Variants in AUTS2 observed in about 807,000 individuals in gnomAD.
AUTS2 encodes the protein autism susceptibility gene 2 protein.
Under a neutral mutation model 112.4 loss-of-function variants are expected in AUTS2, and 17 were observed. The ratio of observed to expected loss-of-function variants is 0.15; its 90% CI spans 0.10 to 0.23. AUTS2 has a LOEUF of 0.23. Among genes scored for constraint, AUTS2 ranks in the 10% least tolerant of loss-of-function variants. The probability of loss-of-function intolerance (pLI) is 1.00; values close to 1 mark genes in which losing one functional copy is unlikely to be tolerated. For missense variants in AUTS2, 1,510 were observed against 1,701.6 expected (o/e 0.89, Z 1.98); for synonymous variants, 751 against 702.7 (o/e 1.07, Z -1.09).
intron 3 of AUTS2, among the ~76,000 whole-genome samples, chr7:70,126,287 G>A (rs929849499): frequency 2.0e-5 from 3 of 151,970 alleles, no homozygotes; most frequent in Non-Finnish European, 4.4e-5. Flanking sequence ...TGGACGTGGT[G>A]GAGCACAGGT....
intron 1 of AUTS2, among the ~76,000 whole-genome samples, chr7:69,812,065 A>G (rs1390441467): frequency 2.0e-5 from 3 of 152,210 alleles, no homozygotes; most frequent in Non-Finnish European, 2.9e-5. Flanking sequence ...CCAAGAAGCA[A>G]TAGTGGTTTT....
chr7:70,725,538 AT>A (rs1351515389), intron 6 of AUTS2, among the ~76,000 whole-genome samples: 1 of 152,184 alleles, frequency 6.6e-6, no homozygotes, highest in Non-Finnish European at 1.5e-5. Context: ...CTGCCTAAGG[AT>A]TTTCCATTTA....
At chr7:70,573,747 G>A (rs1308530227) in intron 5 of AUTS2, among the ~76,000 whole-genome samples, 1 of 151,680 alleles carries the variant, frequency 6.6e-6, no homozygotes, top group Non-Finnish European at 1.5e-5. Context: ...GATTAATATA[G>A]TAGGAAACTT....
intron 6 of AUTS2, among the ~76,000 whole-genome samples, chr7:70,757,257 A>G (rs1008672107): frequency 8.5e-5 from 13 of 152,118 alleles, no homozygotes; most frequent in African/African-American, 3.1e-4. Flanking sequence ...TCCTTTCTAA[A>G]CTTCATTTTC....
At chr7:70,408,173 C>T (rs1794623452) in intron 4 of AUTS2, among the ~76,000 whole-genome samples, 1 of 150,834 alleles carries the variant, frequency 6.6e-6, no homozygotes, top group African/African-American at 2.4e-5. Flanking sequence ...AGAGCGAGAC[C>T]CTGTGGAAAA....
At chr7:70,295,838 A>G (rs1244815568) in intron 4 of AUTS2, among the ~76,000 whole-genome samples, 1 of 152,192 alleles carries the variant, frequency 6.6e-6, no homozygotes, top group African/African-American at 2.4e-5. Flanking sequence ...TTGTGTGACC[A>G]AGAGAGTTCA....
In AUTS2 at chr7:69,599,810, G is replaced by A. The variant is rs768911898; in HGVS notation, c.157G>A (p.Gly53Ser). The A allele has an allele frequency of 2.5e-6, 4 of 1,603,182 alleles. No homozygotes were observed. Among genetic ancestry groups the A allele is most frequent in the African/African-American group, 2.7e-5 (2 of 74,138 alleles). The part of the protein sequence containing the change: ...TRALSLASSS[G>S]SDKEDNGKPP... ...GGCGCTCTCACTCGCCTCGTCGTCGGGCTCCGACAAGGAAGACAATGGGAA... is the reference window on the plus strand; with the variant it reads ...GGCGCTCTCACTCGCCTCGTCGTCGAGCTCCGACAAGGAAGACAATGGGAA... Residue 53 changes from glycine to serine, a missense_variant, in exon 1 of 19, where the codon GGC becomes AGC. Gly to Ser is a moderately conservative substitution (Grantham distance 56). Coordinates refer to ENST00000342771, the MANE Select transcript of AUTS2 (RefSeq NM_015570.4). This position sits in a 1 kb window ranked among gnomAD's most constrained non-coding sequence, Gnocchi z 7.0.
intron 9 of AUTS2, 136 bp from the exon 10 acceptor site, chr7:70,767,888 A>C (rs548441993): frequency 1.3e-6 from 1 of 785,256 alleles, no homozygotes; most frequent in Non-Finnish European, 2.1e-6. Flanking sequence ...AGGAGCTCAG[A>C]ATGGTTTCAT....
intron 1 of AUTS2, among the ~76,000 whole-genome samples, chr7:69,797,695 C>T (rs1789907419): frequency 1.3e-5 from 2 of 152,058 alleles, no homozygotes; most frequent in Admixed American, 1.3e-4. Flanking sequence ...ATTTAAGATG[C>T]TCTTAAATTT....
At chr7:70,384,228 A>T (rs1562927195) in intron 4 of AUTS2, among the ~76,000 whole-genome samples, 1 of 152,178 alleles carries the variant, frequency 6.6e-6, no homozygotes, top group Non-Finnish European at 1.5e-5. Context: ...TTAGCTGAGC[A>T]GTGCACCACT....
rs1459608188 is a variant in AUTS2, at chr7:70,698,686, GAAGA to G, written c.742+72_742+75del. 9.1e-6 allele frequency: 11 copies of G among 1,208,258 alleles called. No individual in the cohort carries two copies. In the Admixed American group the frequency reaches 1.8e-4, roughly 20 times the overall value. 74.8% of individuals were successfully genotyped at this position (1,208,258 alleles called of 1,614,324 possible). ...TGTTAGTTTCATTGTCATTGCCTAG[GAAGA>G]AAGAAGAGCTAGAGTGATCTTTCTC... On this transcript the variant is annotated intron_variant, in intron 6 of 18. Transcript: ENST00000342771.
At chr7:70,687,996 G>C (rs1213187762) in intron 5 of AUTS2, among the ~76,000 whole-genome samples, 5 of 152,202 alleles carry the variant, frequency 3.3e-5, no homozygotes, top group Non-Finnish European at 7.3e-5. Flanking sequence ...ACCTCGGCCT[G>C]CCTCCCAGTG....
chr7:70,089,527 G>A (rs1303217249), intron 2 of AUTS2, among the ~76,000 whole-genome samples: 1 of 151,370 alleles, frequency 6.6e-6, no homozygotes. Context: ...CTTGTTTTGG[G>A]GTATTTAGGT....
intron 2 of AUTS2, among the ~76,000 whole-genome samples, chr7:70,106,219 AT>A (rs1453308788): frequency 6.6e-6 from 1 of 152,196 alleles, no homozygotes; most frequent in African/African-American, 2.4e-5. Context: ...TGAGTCTCTA[AT>A]TCAGGTTCCT....
intron 2 of AUTS2, among the ~76,000 whole-genome samples, chr7:70,075,599 A>G (rs1015523724): frequency 6.6e-6 from 1 of 152,246 alleles, no homozygotes; most frequent in Non-Finnish European, 1.5e-5. Flanking sequence ...AGAGCTAAAA[A>G]TATACCTTGA....
intron 4 of AUTS2, among the ~76,000 whole-genome samples, chr7:70,162,020 C>T (rs1028252386): frequency 2.6e-5 from 4 of 152,144 alleles, no homozygotes; most frequent in South Asian, 2.1e-4. Flanking sequence ...GAAGGATTAA[C>T]GGCCTCTGAT....
At chr7:70,408,895 A>G (rs1290082254) in intron 4 of AUTS2, among the ~76,000 whole-genome samples, 1 of 152,214 alleles carries the variant, frequency 6.6e-6, no homozygotes, top group Admixed American at 6.5e-5. Flanking sequence ...CAAGCATATG[A>G]ATTAGCAGTT....
chr7:69,775,178 C>T (rs1225587194), intron 1 of AUTS2, among the ~76,000 whole-genome samples: 1 of 152,088 alleles, frequency 6.6e-6, no homozygotes, highest in African/African-American at 2.4e-5. Flanking sequence ...GCCTCTCTCA[C>T]TTAACCCCAC....
chr7:70,384,496 T>C (rs570855354), intron 4 of AUTS2, among the ~76,000 whole-genome samples: 7 of 152,316 alleles, frequency 4.6e-5, no homozygotes, highest in Admixed American at 1.3e-4. Flanking sequence ...TAACAGAAGC[T>C]GGGCCTACAG....
Sources: gnomAD v4.1 joint callset for allele counts (sites outside exome capture counted in the v4.1 genomes callset) on GRCh38, gnomAD v4.1.1 for gene constraint, Gnocchi (gnomAD v3.1) non-coding constraint, MANE v1.5 for transcripts, NCBI Gene and HGNC (gene_info 2026-07-23, HGNC 2026-07-21) for gene names.